Variants in ROR2 observed in about 807,000 individuals in gnomAD.
ROR2 encodes ROR family WNT receptor 2.
In ROR2, 33 loss-of-function variants were observed where a neutral mutation model predicts 74.9. The ratio of observed to expected loss-of-function variants is 0.44; its 90% confidence interval spans 0.33 to 0.59. The LOEUF (loss-of-function observed/expected upper bound fraction) is 0.59. Ranked by LOEUF, ROR2 falls within the 20% of genes least tolerant of loss-of-function variation. The pLI is 0.02. For missense variants in ROR2, 1,216 were observed against 1,313.8 expected (o/e 0.93, Z 1.15); for synonymous variants, 586 against 558.7 (o/e 1.05, Z -0.69).
At chr9:91,862,991 T>C (rs945230930) in intron 1 of ROR2, among the ~76,000 whole-genome samples, 19 of 152,178 alleles carry the variant, frequency 1.2e-4, no homozygotes, top group African/African-American at 4.3e-4. Flanking sequence ...TAGCCATCCG[T>C]GAAATGCCAA....
chr9:91,889,227 C>A lies in ROR2; in HGVS notation c.97+60640G>T, dbSNP rs187594582. 5.3e-4 allele frequency among the ~76,000 whole-genome samples: 81 copies of A among 152,266 alleles called. 1 individual carries two copies. The highest frequency in any genetic ancestry group is 1.9e-3 in the African/African-American group (79 of 41,550). ...CCGCTGCCTGCAAAGCTGAAGCTGC[C>A]GAGTGTGGGACCCACTCCCAAGCCC... On this transcript the variant is annotated intron_variant, in intron 1 of 8. Transcript: ENST00000375708.
intron 1 of ROR2, among the ~76,000 whole-genome samples, chr9:91,820,392 A>G (rs1828100495): frequency 6.6e-6 from 1 of 152,168 alleles, no homozygotes; most frequent in African/African-American, 2.4e-5. Flanking sequence ...GCAGAATTCA[A>G]TGCCCTGAAC....
chr9:91,734,917 C>T (rs1386170263), intron 5 of ROR2, among the ~76,000 whole-genome samples: 3 of 152,090 alleles, frequency 2.0e-5, no homozygotes, highest in African/African-American at 7.2e-5. Context: ...AGAGGGCAAG[C>T]AGTTACAGTA....
At chr9:91,935,948 T>C (rs1181957709) in intron 1 of ROR2, among the ~76,000 whole-genome samples, 3 of 152,078 alleles carry the variant, frequency 2.0e-5, no homozygotes, top group Admixed American at 6.5e-5. Context: ...TGACAAGCGG[T>C]GAACACACAG....
At position 91,723,884 on chromosome 9, in the gene ROR2, G is replaced by A. The variant is rs771336632; in HGVS notation, c.2610C>T (p.Ser870=). ...SSHHSGSGST[S]TGYVTTAPSN... ...AGGGGGCCGTGGTGACGTAGCCTGT[G>A]CTGGTGGAGCCACTGCCACTGTGGT... Residue 870 remains serine (S), a synonymous_variant, in exon 9 of 9, where the codon AGC becomes AGT. Transcript: ENST00000375708. 4 of 1,614,044 alleles carry A rather than the reference G, an allele frequency of 2.5e-6. No individual in the cohort carries two copies. The Admixed American group carries it at 5.0e-5, about 20-fold the overall frequency.
At chr9:91,925,696 A>C (rs779853938) in intron 1 of ROR2, among the ~76,000 whole-genome samples, 17 of 152,164 alleles carry the variant, frequency 1.1e-4, no homozygotes, top group Admixed American at 2.0e-4. Flanking sequence ...TCAAATACAG[A>C]GTAACAGCAA....
intron 5 of ROR2, among the ~76,000 whole-genome samples, chr9:91,736,968 A>G (rs1431052117): frequency 2.0e-5 from 3 of 152,090 alleles, no homozygotes; most frequent in Non-Finnish European, 4.4e-5. Flanking sequence ...GTGCCTTTGG[A>G]CCAAACGTGG....
At chr9:91,881,692 G>T (rs1587816543) in intron 1 of ROR2, among the ~76,000 whole-genome samples, 1 of 152,238 alleles carries the variant, frequency 6.6e-6, no homozygotes, top group Admixed American at 6.5e-5. Context: ...AATTAGGGAG[G>T]ACGAGCACTC....
chr9:91,753,866 T>C (rs1242889774), intron 4 of ROR2, among the ~76,000 whole-genome samples: 1 of 152,246 alleles, frequency 6.6e-6, no homozygotes, highest in African/African-American at 2.4e-5. Context: ...TTTGTGTTTA[T>C]TGTCAAATAG....
At chr9:91,810,199 A>G (rs1481150954) in intron 1 of ROR2, among the ~76,000 whole-genome samples, 1 of 152,192 alleles carries the variant, frequency 6.6e-6, no homozygotes, top group African/African-American at 2.4e-5. Flanking sequence ...AATGGGGTCT[A>G]TGGTTTCCTG....
In ROR2 at chr9:91,920,973, T is replaced by C. The variant is rs1439830693; in HGVS notation, c.97+28894A>G. Among the ~76,000 whole-genome samples the C allele has an allele frequency of 5.9e-5, 9 of 152,226 alleles. No individual in the cohort carries two copies. The South Asian group carries it at 8.3e-4, about 14-fold the overall frequency. ...ATATTGAAACCAGCCAGAGACTGTT[T>C]AGGATAGCCAAGCCTCAGACAGCTT... On this transcript the variant is annotated intron_variant, in intron 1 of 8. Coordinates refer to ENST00000375708, the MANE Select transcript of ROR2 (RefSeq NM_004560.4).
intron 1 of ROR2, among the ~76,000 whole-genome samples, chr9:91,840,227 G>C (rs1485266968): frequency 6.6e-6 from 1 of 152,126 alleles, no homozygotes. Flanking sequence ...AGCTGCACAG[G>C]AACACACGTG....
At chr9:91,826,556 C>A (rs776534186) in intron 1 of ROR2, among the ~76,000 whole-genome samples, 4 of 151,898 alleles carry the variant, frequency 2.6e-5, no homozygotes, top group Admixed American at 2.6e-4. Context: ...CTGAGGCGGG[C>A]GGATCACAAG....
chr9:91,755,668 C>T (rs1191926969), intron 4 of ROR2, among the ~76,000 whole-genome samples: 1 of 152,210 alleles, frequency 6.6e-6, no homozygotes, highest in Non-Finnish European at 1.5e-5. Context: ...ACGGGGTGGC[C>T]CAAGGCTCAG....
In ROR2 at chr9:91,741,304, G is replaced by GTAATAATAATAATAA. The variant is rs149995684; in HGVS notation, c.495-3801_495-3787dup. ...ACAGAGCAAGACTCTGTCTCAAGTA[G>GTAATAATAATAATAA]TAATAATAATAATAATAATAATAAT... On this transcript the variant is annotated intron_variant, in intron 4 of 8. Transcript: ENST00000375708. 1.5e-4 allele frequency among the ~76,000 whole-genome samples: 21 copies of GTAATAATAATAATAA among 135,606 alleles called. 1 individual carries two copies. Among genetic ancestry groups the GTAATAATAATAATAA allele is most frequent in the African/African-American group, 1.9e-4 (7 of 36,050 alleles). The allele number at this position is 135,606 out of a possible 152,430, so 89.0% of individuals were successfully genotyped here. A position where few individuals can be genotyped will look rare whatever the true frequency, so the allele number is the denominator to read the frequency against.
intron 1 of ROR2, among the ~76,000 whole-genome samples, chr9:91,906,868 G>C (rs372775165): frequency 6.6e-6 from 1 of 152,218 alleles, no homozygotes; most frequent in African/African-American, 2.4e-5. Flanking sequence ...CAGGTTTTCA[G>C]GCTTTTATAT....
rs886181663 is a variant in ROR2 at position 91,860,436 on chromosome 9, G to C, written c.98-84618C>G. The stretch of plus-strand genomic sequence containing the variant: ...GCCAACGGACAAAATGTATTAGTCA[G>C]AGTTGGCCAGAGAGACAGAGCCAAT... On this transcript the variant is annotated intron_variant, in intron 1 of 8. Coordinates refer to ENST00000375708, the MANE Select transcript of ROR2 (RefSeq NM_004560.4). Among the ~76,000 whole-genome samples the C allele has an allele frequency of 2.6e-5, 4 of 152,326 alleles. No homozygotes were observed. In the South Asian group the frequency reaches 8.3e-4, roughly 32 times the overall value.
At chr9:91,763,481 G>A (rs1240961854) in intron 2 of ROR2, among the ~76,000 whole-genome samples, 1 of 152,172 alleles carries the variant, frequency 6.6e-6, no homozygotes, top group African/African-American at 2.4e-5. Context: ...CCAGAATTTG[G>A]TGTTTGGGTG....
At position 91,733,356 on chromosome 9, in the gene ROR2, C is replaced by G; in HGVS notation, c.703G>C (p.Val235Leu). 1 of 1,612,338 alleles carries G rather than the reference C, an allele frequency of 6.2e-7. No individual in the cohort carries two copies. Among genetic ancestry groups the G allele is most frequent in the South Asian group, 1.1e-5 (1 of 91,022 alleles). The change falls in exon 6 of 9, where the codon GTG (valine) becomes CTG (leucine). Residue 235 changes from valine to leucine, a missense_variant. Physicochemically the swap from Val to Leu is conservative, Grantham distance 32. Coordinates refer to ENST00000375708, the MANE Select transcript of ROR2 (RefSeq NM_004560.4). This position sits in a 1 kb window ranked among gnomAD's most constrained non-coding sequence, Gnocchi z 5.7. The part of the protein sequence containing the change: ...QFAIPSFCHF[V>L]FPLCDARSRT... Reference sequence around the variant, plus strand: ...GAGCGCGCGTCGCACAGAGGAAACACGAAGTGGCAGAAGGATGGGATGGCG... The same window carrying G: ...GAGCGCGCGTCGCACAGAGGAAACAGGAAGTGGCAGAAGGATGGGATGGCG...
Sources: gnomAD v4.1 joint callset for allele counts (sites outside exome capture counted in the v4.1 genomes callset) on GRCh38, gnomAD v4.1.1 for gene constraint, Gnocchi (gnomAD v3.1) non-coding constraint, MANE v1.5 for transcripts, NCBI Gene and HGNC (gene_info 2026-07-23, HGNC 2026-07-21) for gene names.